Variants in NR2F6 observed in about 807,000 individuals in gnomAD.
The protein encoded by NR2F6 is ERBA-related gene-2.
NR2F6 carries 16 observed loss-of-function variants against 26.5 expected under a neutral mutation model. The ratio of observed to expected loss-of-function variants is 0.60; its 90% CI spans 0.41 to 0.92. The LOEUF (loss-of-function observed/expected upper bound fraction) is 0.92. Among genes scored for constraint, NR2F6 ranks in the 40% least tolerant of loss-of-function variants. The pLI is 0.00. For missense variants in NR2F6, 536 were observed against 631.7 expected (o/e 0.85, Z 1.62); for synonymous variants, 325 against 305.0 (o/e 1.07, Z -0.68).
chr19:17,243,490 GACACC>G (rs2073479797), intron 1 of NR2F6, among the ~76,000 whole-genome samples: 1 of 150,182 alleles, frequency 6.7e-6, no homozygotes, highest in African/African-American at 2.5e-5. Context: ...GCTGCTCCCT[GACACC>G]ACCCTCAGGA....
intron 2 of NR2F6, 41 bp downstream of exon 2, chr19:17,240,630 C>A (rs758457111): frequency 1.3e-6 from 2 of 1,593,824 alleles, no homozygotes; most frequent in Non-Finnish European, 1.7e-6. Context: ...CCGGCTCCAG[C>A]GGCTGTGATC....
Position 17,235,413 on chromosome 19 carries a change from G to A in NR2F6, c.940+86C>T. ...CCTAGGGAGCGAGCGGGGCGCTATG[G>A]GGGCCGGAGTCTGGGTCCAGGCCGC... On this transcript the variant is annotated intron_variant, in intron 3 of 3. Transcript: ENST00000291442. The surrounding 1 kb of genome is among the most constrained non-coding windows in gnomAD (Gnocchi z 5.0). 1 of 1,509,218 alleles carries A rather than the reference G, an allele frequency of 6.6e-7. No individual in the cohort carries two copies. Among genetic ancestry groups the A allele is most frequent in the Non-Finnish European group, 8.8e-7 (1 of 1,135,012 alleles). The allele number at this position is 1,509,218 out of a possible 1,614,324, so 93.5% of individuals were successfully genotyped here.
Position 17,245,316 on chromosome 19 carries a change from C to A in NR2F6, c.-96G>T. ...GACCCTACGCGGCGCGCATTCGGCCCCGGCGCGCGGGGGGCACGGGCTGCA... is the reference window on the plus strand; with the variant it reads ...GACCCTACGCGGCGCGCATTCGGCCACGGCGCGCGGGGGGCACGGGCTGCA... On this transcript the variant is annotated 5_prime_UTR_variant, in exon 1 of 4. Transcript: ENST00000291442. The surrounding 1 kb of genome is among the most constrained non-coding windows in gnomAD (Gnocchi z 5.0). 9.3e-7 allele frequency: 1 copy of A among 1,074,324 alleles called. No homozygotes were observed. Among genetic ancestry groups the A allele is most frequent in the Non-Finnish European group, 1.2e-6 (1 of 863,110 alleles). 66.5% of individuals were successfully genotyped at this position (1,074,324 alleles called of 1,614,324 possible). A position where few individuals can be genotyped will look rare whatever the true frequency, so the allele number is the denominator to read the frequency against.
intron 2 of NR2F6, among the ~76,000 whole-genome samples, chr19:17,237,254 C>T (rs569100895): frequency 6.6e-6 from 1 of 152,254 alleles, no homozygotes; most frequent in East Asian, 1.9e-4. Flanking sequence ...CCCGGTCCTC[C>T]AGGAAGCTTC....
intron 1 of NR2F6, among the ~76,000 whole-genome samples, chr19:17,242,561 C>A (rs985377747): frequency 6.6e-6 from 1 of 152,080 alleles, no homozygotes; most frequent in Non-Finnish European, 1.5e-5. Context: ...CTCCCCCGTA[C>A]CCCCCCTCCA....
In NR2F6 at chr19:17,235,776, G is replaced by A. The variant is rs931515401; in HGVS notation, c.663C>T (p.Pro221=). The part of the protein sequence containing the change: ...FSTVEWARHA[P]FFPELPVADQ... ...CGGCCACCGGCAGCTCGGGGAAGAA[G>A]GGCGCGTGGCGCGCCCACTCCACGG... Residue 221 remains proline, a synonymous_variant, in exon 3 of 4, where the codon CCC becomes CCT. Transcript: ENST00000291442. This position sits in a 1 kb window ranked among gnomAD's most constrained non-coding sequence, Gnocchi z 5.0. The A allele has an allele frequency of 6.7e-6, 10 of 1,496,782 alleles. No individual in the cohort carries two copies. The highest frequency in any genetic ancestry group is 2.2e-5 in the Admixed American group (1 of 45,520). 92.7% of individuals were successfully genotyped at this position (1,496,782 alleles called of 1,614,324 possible).
chr19:17,235,678 A>G lies in NR2F6; in HGVS notation c.761T>C (p.Leu254Pro). 1 of 1,504,896 alleles carries G rather than the reference A, an allele frequency of 6.6e-7. No homozygotes were observed. Among genetic ancestry groups the G allele is most frequent in the Non-Finnish European group, 8.8e-7 (1 of 1,136,058 alleles). 93.2% of individuals were successfully genotyped at this position (1,504,896 alleles called of 1,614,324 possible). Residue 254 changes from leucine to proline, a missense_variant, in exon 3 of 4, where the codon CTG becomes CCG. Physicochemically the swap from Leu to Pro is moderately conservative, Grantham distance 98. Coordinates refer to ENST00000291442, the MANE Select transcript of NR2F6 (RefSeq NM_005234.4). This position sits in a 1 kb window ranked among gnomAD's most constrained non-coding sequence, Gnocchi z 5.0. ...GGCGGCCAGTAGCGGCGCCGTGTGC[A>G]GGGGCAGCGCCGCCTGCGCCGCGTT... is the stretch of plus-strand genomic sequence containing the variant. ...VLNAAQAALPLHTAPLLAAAG... is the reference protein window; with the variant it reads ...VLNAAQAALPPHTAPLLAAAG...
chr19:17,234,978 G>T (rs1470784180), intron 3 of NR2F6, among the ~76,000 whole-genome samples: 6 of 152,226 alleles, frequency 3.9e-5, no homozygotes, highest in Non-Finnish European at 8.8e-5. Context: ...AAGTTCTGGG[G>T]TTGCCCCGCC....
At position 17,235,503 on chromosome 19, in the gene NR2F6, C is replaced by A; in HGVS notation, c.936G>T (p.Thr312=). The part of the protein sequence containing the change: ...YGCLKAIALF[T]PDACGLSDPA... ...CCTCTTCGGAGCGTGGCTCACCGGG[C>A]GTGAAGAGCGCGATGGCCTTGAGGC... The change falls in exon 3 of 4, where the codon ACG becomes ACT. Residue 312 remains threonine (T), a synonymous_variant. Coordinates refer to ENST00000291442, the MANE Select transcript of NR2F6 (RefSeq NM_005234.4). This position sits in a 1 kb window ranked among gnomAD's most constrained non-coding sequence, Gnocchi z 5.0. 1 of 1,586,694 alleles carries A rather than the reference C, an allele frequency of 6.3e-7. No homozygotes were observed. Among genetic ancestry groups the A allele is most frequent in the Non-Finnish European group, 8.5e-7 (1 of 1,172,722 alleles).
In NR2F6 at chr19:17,235,929, G is replaced by C; in HGVS notation, c.510C>G (p.Ile170Met). ...LFPGQPVSEL[I>M]AQLLRAEPYP... ...AGGGCTCAGCGCGCAGCAGCTGCGC[G>C]ATCAGTTCGGACACCGGCTGCCCCG... Residue 170 changes from isoleucine to methionine, a missense_variant, in exon 3 of 4, where the codon ATC becomes ATG. Coordinates refer to ENST00000291442, the MANE Select transcript of NR2F6 (RefSeq NM_005234.4). This position sits in a 1 kb window ranked among gnomAD's most constrained non-coding sequence, Gnocchi z 5.0. The C allele has an allele frequency of 2.0e-6, 3 of 1,480,710 alleles. No individual in the cohort carries two copies. The highest frequency in any genetic ancestry group is 2.7e-6 in the Non-Finnish European group (3 of 1,122,564). The allele number at this position is 1,480,710 out of a possible 1,614,324, so 91.7% of individuals were successfully genotyped here.
chr19:17,238,721 A>C lies in NR2F6; in HGVS notation c.373+1950T>G, dbSNP rs1185230325. On this transcript the variant is annotated intron_variant, in intron 2 of 3. Transcript: ENST00000291442. Reference sequence around the variant, plus strand: ...CACAGGGAGTGATCAGTTTTAAAAGAAAGCCCCTCAGCTGCCTCTCTCAGC... The same window carrying C: ...CACAGGGAGTGATCAGTTTTAAAAGCAAGCCCCTCAGCTGCCTCTCTCAGC... Among the ~76,000 whole-genome samples, 5 of 152,302 alleles carry C rather than the reference A, an allele frequency of 3.3e-5. No homozygotes were observed. In the East Asian group the frequency reaches 5.8e-4, roughly 18 times the overall value.
intron 2 of NR2F6, among the ~76,000 whole-genome samples, chr19:17,239,830 AAAAT>A (rs2073459737): frequency 2.0e-5 from 3 of 152,228 alleles, no homozygotes; most frequent in African/African-American, 7.2e-5. Context: ...AATAAAAATA[AAAAT>A]AAATAAAGAA....
At chr19:17,236,827 C>G (rs1228658871) in intron 2 of NR2F6, among the ~76,000 whole-genome samples, 1 of 152,190 alleles carries the variant, frequency 6.6e-6, no homozygotes, top group Non-Finnish European at 1.5e-5. Flanking sequence ...CCTCAGTAAA[C>G]ATTAGCCGCC....
rs755925713 is a variant in NR2F6 at position 17,245,083 on chromosome 19, G to C, written c.138C>G (p.Asp46Glu). Reference sequence around the variant, plus strand: ...CCACCTGCAGCCCCGGCCGCTCCTCGTCGCCCGGCTCGGCGTCGCTGGCGG... The same window carrying C: ...CCACCTGCAGCCCCGGCCGCTCCTCCTCGCCCGGCTCGGCGTCGCTGGCGG... ...PGAASDAEPG[D>E]EERPGLQVDC... Residue 46 changes from aspartate (D) to glutamate (E), a missense_variant, in exon 1 of 4, where the codon GAC becomes GAG. Transcript: ENST00000291442. This position sits in a 1 kb window ranked among gnomAD's most constrained non-coding sequence, Gnocchi z 5.0. 6.9e-6 allele frequency: 11 copies of C among 1,587,344 alleles called. No homozygotes were observed. The East Asian group carries it at 1.9e-4, about 27-fold the overall frequency.
In NR2F6 at chr19:17,235,927, G is replaced by A; in HGVS notation, c.512C>T (p.Ala171Val). ...GTAGGGCTCAGCGCGCAGCAGCTGC[G>A]CGATCAGTTCGGACACCGGCTGCCC... ...FPGQPVSELIAQLLRAEPYPA... is the reference protein window; with the variant it reads ...FPGQPVSELIVQLLRAEPYPA... Residue 171 changes from alanine (A) to valine (V), a missense_variant, in exon 3 of 4, where the codon GCG becomes GTG. Ala to Val is a moderately conservative substitution (Grantham distance 64). Transcript: ENST00000291442. This position sits in a 1 kb window ranked among gnomAD's most constrained non-coding sequence, Gnocchi z 5.0. 2.0e-6 allele frequency: 3 copies of A among 1,480,594 alleles called. No homozygotes were observed. The highest frequency in any genetic ancestry group is 1.8e-6 in the Non-Finnish European group (2 of 1,122,488). 91.7% of individuals were successfully genotyped at this position (1,480,594 alleles called of 1,614,324 possible). A position where few individuals can be genotyped will look rare whatever the true frequency, so the allele number is the denominator to read the frequency against.
At chr19:17,239,526 C>T (rs1373977725) in intron 2 of NR2F6, among the ~76,000 whole-genome samples, 1 of 150,468 alleles carries the variant, frequency 6.6e-6, no homozygotes, top group Non-Finnish European at 1.5e-5. Flanking sequence ...AGATGGCAGG[C>T]GCCTGTAGTC....
Position 17,236,037 on chromosome 19 carries a change from C to G in NR2F6, c.402G>C (p.Ser134=), listed in dbSNP as rs763169331. 2 of 1,289,582 alleles carry G rather than the reference C, an allele frequency of 1.6e-6. No individual in the cohort carries two copies. The highest frequency in any genetic ancestry group is 7.8e-5 in the East Asian group (2 of 25,640). The allele number at this position is 1,289,582 out of a possible 1,614,324, so 79.9% of individuals were successfully genotyped here. ...EAVQRGRIPH[S]LPGAVAASSG... Reference sequence around the variant, plus strand: ...AGGAGGCGGCCACGGCACCAGGCAGCGAGTGCGGGATGCGGCCGCGCTGCA... The same window carrying G: ...AGGAGGCGGCCACGGCACCAGGCAGGGAGTGCGGGATGCGGCCGCGCTGCA... The change falls in exon 3 of 4, where the codon TCG becomes TCC. Residue 134 remains serine (S), a synonymous_variant. Transcript: ENST00000291442.
At position 17,245,291 on chromosome 19, in the gene NR2F6, G is replaced by GA. The variant is rs2145570843; in HGVS notation, c.-72dup. 8.5e-7 allele frequency: 1 copy of GA among 1,171,890 alleles called. No individual in the cohort carries two copies. The highest frequency in any genetic ancestry group is 4.0e-5 in the South Asian group (1 of 24,962). The allele number at this position is 1,171,890 out of a possible 1,614,324, so 72.6% of individuals were successfully genotyped here. ...TCCGGGCACCCCTCTCGGCCCGGGG[G>GA]ACCCTACGCGGCGCGCATTCGGCCC... On this transcript the variant is annotated 5_prime_UTR_variant, in exon 1 of 4. Coordinates refer to ENST00000291442, the MANE Select transcript of NR2F6 (RefSeq NM_005234.4). The surrounding 1 kb of genome is among the most constrained non-coding windows in gnomAD (Gnocchi z 5.0).
intron 2 of NR2F6, among the ~76,000 whole-genome samples, chr19:17,239,198 G>C (rs539838776): frequency 6.6e-6 from 1 of 151,456 alleles, no homozygotes; most frequent in East Asian, 2.0e-4. Flanking sequence ...TTAGCTGGGC[G>C]TGGTGGCATG....
Sources: gnomAD v4.1 joint callset for allele counts (sites outside exome capture counted in the v4.1 genomes callset) on GRCh38, gnomAD v4.1.1 for gene constraint, Gnocchi (gnomAD v3.1) non-coding constraint, MANE v1.5 for transcripts, NCBI Gene and HGNC (gene_info 2026-07-23, HGNC 2026-07-21) for gene names.